Variants in CPPED1 observed in about 807,000 individuals in gnomAD.
CPPED1 encodes calcineurin like phosphoesterase domain containing 1.
CPPED1 carries 28 observed loss-of-function variants against 28.0 expected under a neutral mutation model. That is an observed-to-expected ratio of 1.00 (90% CI 0.74 to 1.37). CPPED1 has a LOEUF of 1.37. Ranked by LOEUF, CPPED1 falls within the 40% of genes most tolerant of loss-of-function variation. The probability of loss-of-function intolerance (pLI) is 0.00; values close to 1 mark genes in which losing one functional copy is unlikely to be tolerated. For synonymous variants in CPPED1, 198 were observed against 180.2 expected, an observed-to-expected ratio of 1.10 and a Z score of -0.79; for missense variants, 504 against 416.5, an observed-to-expected ratio of 1.21 and a Z score of -1.83.
At chr16:12,751,985 C>T (rs1195042918) in intron 2 of CPPED1, among the ~76,000 whole-genome samples, 1 of 152,130 alleles carries the variant, frequency 6.6e-6, no homozygotes, top group African/African-American at 2.4e-5. Flanking sequence ...AAGCAAGCTT[C>T]CTAGAGCCAC....
intron 2 of CPPED1, among the ~76,000 whole-genome samples, chr16:12,762,588 C>G (rs80127286): frequency 6.6e-6 from 1 of 152,110 alleles, no homozygotes; most frequent in Non-Finnish European, 1.5e-5. Flanking sequence ...GATCCCAAGG[C>G]GCCGCATACT....
At chr16:12,716,574 C>T (rs575484870) in intron 2 of CPPED1, among the ~76,000 whole-genome samples, 3 of 152,330 alleles carry the variant, frequency 2.0e-5, no homozygotes, top group Admixed American at 1.3e-4. Context: ...TGTGGCTACG[C>T]CCCTAAAACT....
Position 12,663,208 on chromosome 16 carries a change from G to C in CPPED1, c.*1678C>G, listed in dbSNP as rs2079806128. Reference sequence around the variant, plus strand: ...CCCGAGTAGCTGGGATTACAGGTGTGCACCAGCATGCCTGGCTAATTTTTG... The same window carrying C: ...CCCGAGTAGCTGGGATTACAGGTGTCCACCAGCATGCCTGGCTAATTTTTG... On this transcript the variant is annotated 3_prime_UTR_variant, in exon 4 of 4. Transcript: ENST00000381774. 1 of 152,130 alleles carries C rather than the reference G, an allele frequency of 6.6e-6. No individual in the cohort carries two copies. 9.4% of individuals were successfully genotyped at this position (152,130 alleles called of 1,614,324 possible).
rs1055590519 is a variant in CPPED1, at chr16:12,663,496, A to T, written c.*1390T>A. On this transcript the variant is annotated 3_prime_UTR_variant, in exon 4 of 4. Coordinates refer to ENST00000381774, the MANE Select transcript of CPPED1 (RefSeq NM_018340.3). Reference sequence around the variant, plus strand: ...TAAAAGAAGAGCGTTCTAGTTTTTTAAAAAATTTAATTTTCTTGTGGCACA... The same window carrying T: ...TAAAAGAAGAGCGTTCTAGTTTTTTTAAAAATTTAATTTTCTTGTGGCACA... The T allele has an allele frequency of 2.0e-5, 3 of 152,204 alleles. No individual in the cohort carries two copies. The highest frequency in any genetic ancestry group is 4.4e-5 in the Non-Finnish European group (3 of 68,038). The allele number at this position is 152,204 out of a possible 1,614,324, so 9.4% of individuals were successfully genotyped here. A position where few individuals can be genotyped will look rare whatever the true frequency, so the allele number is the denominator to read the frequency against.
At chr16:12,755,098 A>C (rs1296614884) in intron 2 of CPPED1, among the ~76,000 whole-genome samples, 1 of 152,126 alleles carries the variant, frequency 6.6e-6, no homozygotes, top group East Asian at 1.9e-4. Context: ...TGGCTTATTC[A>C]AGACTAAGGT....
intron 2 of CPPED1, among the ~76,000 whole-genome samples, chr16:12,735,628 G>A (rs1024718624): frequency 2.6e-5 from 4 of 152,160 alleles, no homozygotes; most frequent in African/African-American, 9.7e-5. Context: ...TACACTTAGT[G>A]TAACAATATG....
chr16:12,765,507 CG>C (rs1231588139), intron 2 of CPPED1, among the ~76,000 whole-genome samples: 1 of 151,792 alleles, frequency 6.6e-6, no homozygotes, highest in Non-Finnish European at 1.5e-5. Context: ...AATGTGCTTT[CG>C]GGAAAAAAAA....
intron 2 of CPPED1, among the ~76,000 whole-genome samples, chr16:12,746,264 A>G (rs1233335283): frequency 6.6e-6 from 1 of 151,714 alleles, no homozygotes; most frequent in Non-Finnish European, 1.5e-5. Context: ...AATCCCAGCT[A>G]CTTGGGAGGC....
At chr16:12,677,670 G>A (rs1208954108) in intron 3 of CPPED1, among the ~76,000 whole-genome samples, 3 of 152,168 alleles carry the variant, frequency 2.0e-5, no homozygotes, top group South Asian at 2.1e-4. Context: ...TGCCACGGTC[G>A]TGTATGTGTC....
intron 3 of CPPED1, among the ~76,000 whole-genome samples, chr16:12,666,995 A>G (rs906075883): frequency 6.6e-6 from 1 of 150,976 alleles, no homozygotes; most frequent in Non-Finnish European, 1.5e-5. Context: ...AGGAACTGAA[A>G]TGACTTCCCC....
intron 2 of CPPED1, among the ~76,000 whole-genome samples, chr16:12,736,500 A>G (rs1396413190): frequency 6.6e-6 from 1 of 152,064 alleles, no homozygotes; most frequent in Admixed American, 6.6e-5. Context: ...CGGCCTCCCA[A>G]AGGGCTGGGA....
chr16:12,700,823 G>A (rs764206545), intron 3 of CPPED1, among the ~76,000 whole-genome samples: 12 of 152,166 alleles, frequency 7.9e-5, no homozygotes, highest in East Asian at 1.9e-4. Context: ...AGAGTTTAGC[G>A]GGGATTCAGA....
At chr16:12,692,365 G>A (rs909941144) in intron 3 of CPPED1, among the ~76,000 whole-genome samples, 2 of 152,078 alleles carry the variant, frequency 1.3e-5, no homozygotes, top group African/African-American at 4.8e-5. Flanking sequence ...CCAATTCAAG[G>A]GATATCAGAA....
chr16:12,783,523 T>C (rs1169378474), intron 1 of CPPED1, among the ~76,000 whole-genome samples: 1 of 151,642 alleles, frequency 6.6e-6, no homozygotes, highest in Middle Eastern at 3.4e-3. Flanking sequence ...AATAAATAAA[T>C]AAATAAATAA....
chr16:12,702,934 C>T (rs2080028048), intron 3 of CPPED1, among the ~76,000 whole-genome samples: 1 of 151,710 alleles, frequency 6.6e-6, no homozygotes, highest in South Asian at 2.1e-4. Context: ...ATTGCTTTAA[C>T]CCAGGAGACA....
rs564335263 is a variant in CPPED1, at chr16:12,798,934, C to T, written c.70+4773G>A. Among the ~76,000 whole-genome samples the T allele has an allele frequency of 5.3e-5, 8 of 152,206 alleles. No homozygotes were observed. The East Asian group carries it at 5.8e-4, about 11-fold the overall frequency. On this transcript the variant is annotated intron_variant, in intron 1 of 3. Transcript: ENST00000381774. ...TGTACAATTTTTTTTAATCAACATC[C>T]GTCAACAGAGCCTAGCACATTATGT...
chr16:12,721,759 A>G (rs1053350898), intron 2 of CPPED1, among the ~76,000 whole-genome samples: 2 of 151,706 alleles, frequency 1.3e-5, no homozygotes, highest in Non-Finnish European at 2.9e-5. Flanking sequence ...GTCTTAAAAA[A>G]AAAAAAAAGG....
rs8059224 is a variant in CPPED1, at chr16:12,737,934, T to C, written c.290-32885A>G. Among the ~76,000 whole-genome samples, 215 of 152,296 alleles carry C rather than the reference T, an allele frequency of 1.4e-3. 1 individual carries two copies. Among genetic ancestry groups the C allele is most frequent in the African/African-American group, 4.9e-3 (202 of 41,548 alleles). ...CCGGTCATTTTTTAAAGTATAAAAA[T>C]TGCCAGCATCCTGTTCTACCAGGAC... On this transcript the variant is annotated intron_variant, in intron 2 of 3. Transcript: ENST00000381774.
Position 12,700,481 on chromosome 16 carries a change from C to T in CPPED1, c.715+4143G>A, listed in dbSNP as rs182955980. Among the ~76,000 whole-genome samples, 778 of 152,318 alleles carry T rather than the reference C, an allele frequency of 5.1e-3. 14 individuals are homozygous for T. Among genetic ancestry groups the T allele is most frequent in the African/African-American group, 0.017 (727 of 41,570 alleles). ...TCTCGGCTCATTGCAATCTCCACCTCCCAGGTACAAGCAATTCTCCTGCCT... is the reference window on the plus strand; with the variant it reads ...TCTCGGCTCATTGCAATCTCCACCTTCCAGGTACAAGCAATTCTCCTGCCT... On this transcript the variant is annotated intron_variant, in intron 3 of 3. Transcript: ENST00000381774.
Sources: allele counts gnomAD v4.1 joint callset (sites outside exome capture counted in the v4.1 genomes callset), GRCh38; gene constraint gnomAD v4.1.1; transcripts MANE v1.5; gene names NCBI Gene and HGNC (gene_info 2026-07-23, HGNC 2026-07-21).